The following CDK17 variants were observed in gnomAD, a reference collection of about 807,000 sequenced individuals.
CDK17 encodes the protein cyclin dependent kinase 17, also known as cyclin-dependent kinase 17.
In CDK17, 24 loss-of-function variants were observed where a neutral mutation model predicts 77.6. That is an observed-to-expected ratio of 0.31 (90% confidence interval 0.22 to 0.44). CDK17 has a LOEUF of 0.44. Ranked by LOEUF, CDK17 falls within the 20% of genes least tolerant of loss-of-function variation. CDK17 has a pLI of 1.00. For synonymous variants in CDK17, 203 were observed against 210.4 expected (o/e 0.96, Z 0.30); for missense variants, 429 against 622.5 (o/e 0.69, Z 3.31).
chr12:96,381,777 T>A (rs796643330), intron 1 of CDK17, among the ~76,000 whole-genome samples: 108 of 152,016 alleles, frequency 7.1e-4, no homozygotes, highest in African/African-American at 2.5e-3. Flanking sequence ...TAGTTTTTTT[T>A]ATTATATAAC....
In CDK17 at chr12:96,316,963, CTT is replaced by C. The variant is rs2137114925; in HGVS notation, c.284-3511_284-3510del. On this transcript the variant is annotated intron_variant, in intron 3 of 16. Transcript: ENST00000261211. ...CGGAACAAAGCTGGATGGAGAATGACTTTGACGAGCTGAGAGAAGAAGGCTTC... is the reference window on the plus strand; with the variant it reads ...CGGAACAAAGCTGGATGGAGAATGACTGACGAGCTGAGAGAAGAAGGCTTC... Among the ~76,000 whole-genome samples the C allele has an allele frequency of 2.0e-5, 3 of 150,072 alleles. No homozygotes were observed. In the Middle Eastern group the frequency reaches 0.01, roughly 510 times the overall value.
chr12:96,339,220 T>C (rs992887764), intron 1 of CDK17, among the ~76,000 whole-genome samples: 4 of 152,234 alleles, frequency 2.6e-5, no homozygotes, highest in Non-Finnish European at 5.9e-5. Context: ...TAACTATAAA[T>C]GGATTCAGTA....
At chr12:96,290,247 G>T (rs1057039605) in intron 10 of CDK17, among the ~76,000 whole-genome samples, 14 of 152,200 alleles carry the variant, frequency 9.2e-5, no homozygotes, top group Admixed American at 4.6e-4. Flanking sequence ...TTTATCTCTT[G>T]AGTCACTAGT....
intron 1 of CDK17, among the ~76,000 whole-genome samples, chr12:96,349,535 CAAAAAAA>C (rs34417608): frequency 9.4e-6 from 1 of 106,082 alleles, no homozygotes; most frequent in Non-Finnish European, 2.0e-5. Flanking sequence ...ATTGATTTAG[CAAAAAAA>C]AAAAAAAAAA....
chr12:96,395,358 A>T (rs1357585233), intron 1 of CDK17, among the ~76,000 whole-genome samples: 1 of 152,202 alleles, frequency 6.6e-6, no homozygotes, highest in African/African-American at 2.4e-5. Flanking sequence ...GCAGACAGTA[A>T]CATTGACTTT....
At chr12:96,340,503 A>G (rs750872494) in intron 1 of CDK17, among the ~76,000 whole-genome samples, 3 of 152,184 alleles carry the variant, frequency 2.0e-5, no homozygotes, top group Non-Finnish European at 4.4e-5. Context: ...AAACACAGAT[A>G]ATAAAGAATT....
At chr12:96,316,248 C>T (rs148997590) in intron 3 of CDK17, among the ~76,000 whole-genome samples, 8 of 152,246 alleles carry the variant, frequency 5.3e-5, no homozygotes, top group East Asian at 3.9e-4. Context: ...CTTGTCAGAC[C>T]GGCTTAAAAA....
chr12:96,322,302 C>T (rs1482647890), intron 3 of CDK17, among the ~76,000 whole-genome samples: 2 of 152,142 alleles, frequency 1.3e-5, no homozygotes, highest in African/African-American at 2.4e-5. Context: ...ATTTAATCTG[C>T]GTTACTAACA....
intron 1 of CDK17, among the ~76,000 whole-genome samples, chr12:96,383,404 G>GAAA (rs57708359): frequency 0.33 from 45,801 of 136,828 alleles, 7,895 homozygotes; most frequent in East Asian, 0.45. Context: ...AAAATTAGAA[G>GAAA]AAAAAAAAAA....
At chr12:96,369,379 A>C (rs945823329) in intron 1 of CDK17, among the ~76,000 whole-genome samples, 1 of 152,232 alleles carries the variant, frequency 6.6e-6, no homozygotes, top group Non-Finnish European at 1.5e-5. Flanking sequence ...AAAACAAATT[A>C]AGTATTTCTT....
intron 1 of CDK17, among the ~76,000 whole-genome samples, chr12:96,384,469 C>T (rs185749627): frequency 5.9e-5 from 9 of 152,120 alleles, no homozygotes; most frequent in African/African-American, 1.7e-4. Context: ...AGGTTTATGG[C>T]GGCACTATTC....
At chr12:96,327,993 C>T (rs928867362) in intron 2 of CDK17, among the ~76,000 whole-genome samples, 1 of 152,208 alleles carries the variant, frequency 6.6e-6, no homozygotes, top group Non-Finnish European at 1.5e-5. Flanking sequence ...GGTCCATGGC[C>T]TGTTAGGAAC....
chr12:96,338,293 T>C (rs960452582), intron 1 of CDK17, among the ~76,000 whole-genome samples: 9 of 152,356 alleles, frequency 5.9e-5, no homozygotes, highest in Admixed American at 1.3e-4. Context: ...CCTCTTGGAC[T>C]TCAAGCTACA....
chr12:96,374,973 A>G (rs971387736), intron 1 of CDK17, among the ~76,000 whole-genome samples: 2 of 146,174 alleles, frequency 1.4e-5, no homozygotes, highest in Non-Finnish European at 3.1e-5. Flanking sequence ...ACAACAGAAC[A>G]GTTTGATCAG....
intron 2 of CDK17, among the ~76,000 whole-genome samples, chr12:96,328,239 G>A (rs1231502354): frequency 6.6e-6 from 1 of 152,016 alleles, no homozygotes; most frequent in Non-Finnish European, 1.5e-5. Context: ...CCTTCAGATG[G>A]GACCATCTAG....
rs1251927564 is a variant in CDK17 at position 96,400,402 on chromosome 12, T to TG, written c.-447dup. 1 of 382,818 alleles carries TG rather than the reference T, an allele frequency of 2.6e-6. No individual in the cohort carries two copies. Among genetic ancestry groups the TG allele is most frequent in the Admixed American group, 4.5e-5 (1 of 22,168 alleles). The allele number at this position is 382,818 out of a possible 1,614,324, so 23.7% of individuals were successfully genotyped here. A position where few individuals can be genotyped will look rare whatever the true frequency, so the allele number is the denominator to read the frequency against. ...ACTGCGGGCGGCCGCGTTCGCTCCT[T>TG]GCGTGTGCGTCGCTTTCACACTCGG... On this transcript the variant is annotated 5_prime_UTR_variant, in exon 1 of 17. Transcript: ENST00000261211.
At chr12:96,291,255 A>C (rs1306211212) in intron 10 of CDK17, among the ~76,000 whole-genome samples, 7 of 152,178 alleles carry the variant, frequency 4.6e-5, no homozygotes, top group Non-Finnish European at 7.3e-5. Flanking sequence ...CAAAATTTAA[A>C]GCACTCAGAG....
intron 1 of CDK17, among the ~76,000 whole-genome samples, chr12:96,338,771 GTTTTT>G (rs34576077): frequency 1.4e-5 from 2 of 146,590 alleles, no homozygotes; most frequent in African/African-American, 5.0e-5. Context: ...AGCCACTAAG[GTTTTT>G]TTTTTTTTAA....
chr12:96,319,926 C>T (rs1303787442), intron 3 of CDK17, among the ~76,000 whole-genome samples: 1 of 148,302 alleles, frequency 6.7e-6, no homozygotes, highest in Non-Finnish European at 1.5e-5. Flanking sequence ...TCCTATTCAA[C>T]ATAGTGTTGG....
Sources: allele counts gnomAD v4.1 joint callset (sites outside exome capture counted in the v4.1 genomes callset), GRCh38; gene constraint gnomAD v4.1.1; transcripts MANE v1.5; gene names NCBI Gene and HGNC (gene_info 2026-07-23, HGNC 2026-07-21).